PACRG: variants seen among roughly 807,000 people sequenced by gnomAD.
The protein encoded by PACRG is parkin coregulated.
In PACRG, 29 loss-of-function variants were observed where a neutral mutation model predicts 29.7. The ratio of observed to expected loss-of-function variants is 0.98; its 90% confidence interval spans 0.73 to 1.33. The LOEUF (loss-of-function observed/expected upper bound fraction) is 1.33. Among genes scored for constraint, PACRG ranks in the 40% most tolerant of loss-of-function variants. The pLI, the probability that PACRG is intolerant of heterozygous loss-of-function variation, is 0.00. For missense variants in PACRG, 279 were observed against 316.2 expected (o/e 0.88, Z 0.89); for synonymous variants, 116 against 118.7 (o/e 0.98, Z 0.15).
intron 2 of PACRG, among the ~76,000 whole-genome samples, chr6:162,940,442 CTGTA>C (rs1210002070): frequency 2.6e-5 from 4 of 152,082 alleles, no homozygotes; most frequent in African/African-American, 4.8e-5. Flanking sequence ...GTCTGTCTGT[CTGTA>C]TGTGTCTTCT....
chr6:162,920,198 T>A (rs990599470), intron 2 of PACRG, among the ~76,000 whole-genome samples: 25 of 151,832 alleles, frequency 1.6e-4, no homozygotes, highest in African/African-American at 6.0e-4. Flanking sequence ...AAGGAGGAAG[T>A]GAGGGAGGAA....
At chr6:162,980,824 G>A (rs1257886841) in intron 2 of PACRG, among the ~76,000 whole-genome samples, 1 of 152,084 alleles carries the variant, frequency 6.6e-6, no homozygotes, top group Non-Finnish European at 1.5e-5. Context: ...AGGAAACTAT[G>A]GTAATTACTA....
Position 162,797,291 on chromosome 6 carries a change from A to C in PACRG, c.157-16856A>C, listed in dbSNP as rs1008623723. Among the ~76,000 whole-genome samples the C allele has an allele frequency of 2.0e-5, 3 of 151,064 alleles. 1 individual carries two copies. In the South Asian group the frequency reaches 6.2e-4, roughly 31 times the overall value. Reference sequence around the variant, plus strand: ...TCAAAAACCAAACCAAACAAAAAAAACAACAACAACAGAAAAAAACCTATT... The same window carrying C: ...TCAAAAACCAAACCAAACAAAAAAACCAACAACAACAGAAAAAAACCTATT... On this transcript the variant is annotated intron_variant, in intron 1 of 4. Transcript: ENST00000366888.
At chr6:162,989,888 CTCCCCCGACCCCACCACAG>C (rs1466917095) in intron 2 of PACRG, among the ~76,000 whole-genome samples, 1 of 151,876 alleles carries the variant, frequency 6.6e-6, no homozygotes, top group Non-Finnish European at 1.5e-5. Flanking sequence ...TCCCTCCCCG[CTCCCCCGACCCCACCACAG>C]TCCCCAGAGT....
intron 1 of PACRG, among the ~76,000 whole-genome samples, chr6:162,793,398 C>T (rs1167534208): frequency 2.0e-5 from 3 of 152,100 alleles, no homozygotes; most frequent in African/African-American, 7.2e-5. Context: ...AGAGTAAAAA[C>T]ATTGAATGAT....
rs1279678109 is a variant in PACRG, at chr6:162,930,635, A to G, written c.291+116354A>G. Among the ~76,000 whole-genome samples the G allele has an allele frequency of 4.6e-5, 7 of 151,966 alleles. No homozygotes were observed. The East Asian group carries it at 1.2e-3, about 25-fold the overall frequency. ...AGGACTTCCATTATTACATTGAATA[A>G]AAGTAGTAAAAGTGGGCATCCTTTT... On this transcript the variant is annotated intron_variant, in intron 2 of 4. Coordinates refer to ENST00000366888, the MANE Select transcript of PACRG (RefSeq NM_001080379.2).
intron 2 of PACRG, among the ~76,000 whole-genome samples, chr6:162,851,452 C>T (rs1038527816): frequency 2.0e-5 from 3 of 152,174 alleles, no homozygotes; most frequent in African/African-American, 7.2e-5. Flanking sequence ...ATTCTGGCAT[C>T]TAAAATGCAT....
chr6:162,955,749 G>A (rs1799973703), intron 2 of PACRG, among the ~76,000 whole-genome samples: 1 of 152,226 alleles, frequency 6.6e-6, no homozygotes, highest in Non-Finnish European at 1.5e-5. Context: ...CTAGTCAGCA[G>A]CAGCTGGGGT....
upstream of PACRG, chr6:162,727,835 C>T (rs941821250): frequency 1.5e-6 from 1 of 675,922 alleles, no homozygotes; most frequent in Non-Finnish European, 2.5e-6. Flanking sequence ...CCAGGGCCTG[C>T]TGGGAGTCGT....
chr6:163,252,099 G>T (rs938044726), intron 4 of PACRG, among the ~76,000 whole-genome samples: 5 of 152,128 alleles, frequency 3.3e-5, no homozygotes, highest in Admixed American at 2.0e-4. Context: ...TATCCACACC[G>T]CAAAACGCTC....
At chr6:163,308,854 T>A (rs900258866) in intron 4 of PACRG, among the ~76,000 whole-genome samples, 1 of 151,990 alleles carries the variant, frequency 6.6e-6, no homozygotes, top group Non-Finnish European at 1.5e-5. Flanking sequence ...TGCAACCCAA[T>A]CAGAAGAAAG....
chr6:163,290,262 A>T (rs1784543025), intron 4 of PACRG, among the ~76,000 whole-genome samples: 1 of 137,662 alleles, frequency 7.3e-6, no homozygotes, highest in Non-Finnish European at 1.5e-5. Context: ...ACATGTGCGC[A>T]TGCACGCGCG....
chr6:163,266,061 A>C (rs532109814), intron 4 of PACRG, among the ~76,000 whole-genome samples: 6 of 152,350 alleles, frequency 3.9e-5, no homozygotes, highest in Non-Finnish European at 7.3e-5. Context: ...ATTTGTGTTT[A>C]ATTGAATTAG....
intron 2 of PACRG, among the ~76,000 whole-genome samples, chr6:162,901,587 A>T (rs2128058611): frequency 6.6e-6 from 1 of 152,314 alleles, no homozygotes; most frequent in Non-Finnish European, 1.5e-5. Context: ...TTTTAAATTT[A>T]AAAATGAGAT....
chr6:163,117,832 G>A (rs1816082695), intron 4 of PACRG, among the ~76,000 whole-genome samples: 1 of 152,044 alleles, frequency 6.6e-6, no homozygotes, highest in African/African-American at 2.4e-5. Context: ...CTCTGAAACT[G>A]TTCAGCTGGG....
At chr6:163,142,934 C>A (rs1216662235) in intron 4 of PACRG, among the ~76,000 whole-genome samples, 1 of 152,204 alleles carries the variant, frequency 6.6e-6, no homozygotes, top group Non-Finnish European at 1.5e-5. Flanking sequence ...AAGAATCCGT[C>A]CTAGAACAGA....
At chr6:162,791,484 T>C (rs956818500) in intron 1 of PACRG, among the ~76,000 whole-genome samples, 1 of 152,126 alleles carries the variant, frequency 6.6e-6, no homozygotes, top group African/African-American at 2.4e-5. Context: ...TTTCAAACAA[T>C]GTATTTATAG....
At position 163,220,526 on chromosome 6, in the gene PACRG, G is replaced by A. The variant is rs372665109; in HGVS notation, c.614-94301G>A. 4.7e-4 allele frequency among the ~76,000 whole-genome samples: 71 copies of A among 152,260 alleles called. 1 individual carries two copies. The East Asian group carries it at 5.0e-3, about 11-fold the overall frequency. ...GAGAAGATGGCACAGAAAAGACAGC[G>A]TTTGGGAAAACTCACAGAATGCCAT... On this transcript the variant is annotated intron_variant, in intron 4 of 4. Transcript: ENST00000366888.
intron 2 of PACRG, among the ~76,000 whole-genome samples, chr6:162,911,846 A>C (rs1266550232): frequency 6.6e-6 from 1 of 152,194 alleles, no homozygotes; most frequent in African/African-American, 2.4e-5. Context: ...GGATGATAGG[A>C]GGGAAAGATT....
Sources: gnomAD v4.1 joint callset for allele counts (sites outside exome capture counted in the v4.1 genomes callset) on GRCh38, gnomAD v4.1.1 for gene constraint, MANE v1.5 for transcripts, NCBI Gene and HGNC (gene_info 2026-07-23, HGNC 2026-07-21) for gene names.